The following FTCDNL1 variants were observed in gnomAD, a reference collection of about 807,000 sequenced individuals.
FTCDNL1 encodes the protein formiminotransferase N-terminal subdomain-containing protein.
A neutral mutation model predicts 5.9 loss-of-function variants in FTCDNL1; 11 were observed. The ratio of observed to expected loss-of-function variants is 1.87; its 90% confidence interval spans 1.18 to 3.10. The LOEUF is 3.10. Among genes scored for constraint, FTCDNL1 ranks in the 30% most tolerant of loss-of-function variants. FTCDNL1 has a pLI of 0.00. For synonymous variants in FTCDNL1, 58 were observed against 24.8 expected, an observed-to-expected ratio of 2.34 and a Z score of -3.99; for missense variants, 115 against 65.5, an observed-to-expected ratio of 1.76 and a Z score of -2.61.
chr2:199,757,374 G>T (rs1417536923), downstream of FTCDNL1, among the ~76,000 whole-genome samples: 1 of 152,226 alleles, frequency 6.6e-6, no homozygotes, highest in Non-Finnish European at 1.5e-5. Flanking sequence ...GGGAAACCCA[G>T]TCTTGGAGAG....
At chr2:199,675,899 C>T in the FTCDNL1 span, among the ~76,000 whole-genome samples, 11 of 152,256 alleles carry the variant, frequency 7.2e-5, no homozygotes, top group Admixed American at 2.6e-4. Flanking sequence ...TACAGGAGCA[C>T]ACCACCAAGC....
chr2:199,715,353 G>A, the FTCDNL1 span, among the ~76,000 whole-genome samples: 14 of 152,126 alleles, frequency 9.2e-5, no homozygotes, highest in Admixed American at 9.2e-4. Context: ...GACCCAGTGG[G>A]AGGTAATTGA....
the FTCDNL1 span, among the ~76,000 whole-genome samples, chr2:199,728,491 G>A: frequency 4.6e-5 from 7 of 152,042 alleles, no homozygotes; most frequent in Admixed American, 6.5e-5. Context: ...CTCGTGATCC[G>A]CCCACCTCAG....
At chr2:199,697,262 A>G in the FTCDNL1 span, among the ~76,000 whole-genome samples, 1 of 151,942 alleles carries the variant, frequency 6.6e-6, no homozygotes, top group Non-Finnish European at 1.5e-5. Context: ...ACAGAGAGGG[A>G]CTCCGTCTCA....
Position 199,813,561 on chromosome 2 carries a change from CT to C in FTCDNL1, c.398-838del, listed in dbSNP as rs1164232965. 3.3e-5 allele frequency among the ~76,000 whole-genome samples: 5 copies of C among 152,250 alleles called. No homozygotes were observed. The South Asian group carries it at 6.2e-4, about 19-fold the overall frequency. ...AAAGAGAAAACTTCAAATTTGTGGA[CT>C]GCATTACAGTTTGAATAAACAGATT... On this transcript the variant is annotated intron_variant, in intron 4 of 4. Coordinates refer to ENST00000420128, the MANE Select transcript of FTCDNL1 (RefSeq NM_001363886.2).
chr2:199,808,812 C>A (rs113245977), downstream of FTCDNL1, among the ~76,000 whole-genome samples: 23 of 152,168 alleles, frequency 1.5e-4, no homozygotes. Context: ...GACATTTATT[C>A]CCCTAGTTGG....
the FTCDNL1 span, among the ~76,000 whole-genome samples, chr2:199,740,011 G>T: frequency 6.6e-6 from 1 of 152,104 alleles, no homozygotes; most frequent in East Asian, 1.9e-4. Context: ...CCCTGCTGGC[G>T]AGAGTACGCA....
At chr2:199,682,338 G>C in the FTCDNL1 span, among the ~76,000 whole-genome samples, 1 of 152,176 alleles carries the variant, frequency 6.6e-6, no homozygotes, top group Non-Finnish European at 1.5e-5. Context: ...CCAGCCTGCA[G>C]GTTTTGGACT....
chr2:199,710,142 T>G, the FTCDNL1 span, among the ~76,000 whole-genome samples: 3 of 152,306 alleles, frequency 2.0e-5, no homozygotes, highest in South Asian at 6.2e-4. Flanking sequence ...CCTTCTTGTT[T>G]CAGCTCTGAT....
At chr2:199,766,790 G>T (rs1028462628) in intron 3 of FTCDNL1, among the ~76,000 whole-genome samples, 1 of 152,124 alleles carries the variant, frequency 6.6e-6, no homozygotes, top group South Asian at 2.1e-4. Context: ...TAATATGTCC[G>T]ATTTAATTGC....
the FTCDNL1 span, among the ~76,000 whole-genome samples, chr2:199,712,060 C>T: frequency 6.6e-6 from 1 of 152,046 alleles, no homozygotes. Flanking sequence ...GGTAAAAGTA[C>T]CCCTACCTTC....
In FTCDNL1 at chr2:199,851,156, C is replaced by A. The variant is rs2076868753; in HGVS notation, c.-424G>T. 6.8e-6 allele frequency: 1 copy of A among 147,968 alleles called. No homozygotes were observed. The highest frequency in any genetic ancestry group is 1.5e-5 in the Non-Finnish European group (1 of 66,522). 9.2% of individuals were successfully genotyped at this position (147,968 alleles called of 1,614,324 possible). ...GTGGCCCGCGCGCAGCCTCCGCCGC[C>A]GCGCGTGGCCCGCGCGCAGCGTCTG... On this transcript the variant is annotated 5_prime_UTR_variant, in exon 1 of 5. Transcript: ENST00000420128.
the FTCDNL1 span, among the ~76,000 whole-genome samples, chr2:199,718,943 A>T: frequency 6.6e-6 from 1 of 152,026 alleles, no homozygotes; most frequent in East Asian, 1.9e-4. Context: ...GGTTCTGGAC[A>T]TTAGCCCTTT....
At chr2:199,837,098 T>G (rs1702801419) in intron 3 of FTCDNL1, among the ~76,000 whole-genome samples, 1 of 152,234 alleles carries the variant, frequency 6.6e-6, no homozygotes, top group Non-Finnish European at 1.5e-5. Flanking sequence ...ATTTGGCCTT[T>G]CCTTCTTCAT....
At chr2:199,721,650 A>G in the FTCDNL1 span, among the ~76,000 whole-genome samples, 1 of 152,174 alleles carries the variant, frequency 6.6e-6, no homozygotes, top group Non-Finnish European at 1.5e-5. Flanking sequence ...CAGTAATGGG[A>G]TTGCTGGGTC....
At chr2:199,685,130 C>T in the FTCDNL1 span, among the ~76,000 whole-genome samples, 3 of 152,056 alleles carry the variant, frequency 2.0e-5, no homozygotes, top group Non-Finnish European at 4.4e-5. Context: ...AATGTGGAGT[C>T]AAAATGGTGG....
At chr2:199,690,694 T>G in the FTCDNL1 span, among the ~76,000 whole-genome samples, 1 of 152,126 alleles carries the variant, frequency 6.6e-6, no homozygotes, top group Non-Finnish European at 1.5e-5. Flanking sequence ...CCCTAAGAAA[T>G]TGAGCCCCGA....
the FTCDNL1 span, among the ~76,000 whole-genome samples, chr2:199,741,119 A>G: frequency 6.6e-6 from 1 of 152,152 alleles, no homozygotes. Context: ...ATGTTCGTGC[A>G]GTTAATAAGT....
chr2:199,814,562 A>G (rs1447234276), intron 4 of FTCDNL1, among the ~76,000 whole-genome samples: 1 of 152,204 alleles, frequency 6.6e-6, no homozygotes, highest in Non-Finnish European at 1.5e-5. Context: ...GCCAGTCCAG[A>G]TAAGAGGGAA....
Sources: gnomAD v4.1 joint callset for allele counts (sites outside exome capture counted in the v4.1 genomes callset) on GRCh38, gnomAD v4.1.1 for gene constraint, MANE v1.5 for transcripts, NCBI Gene and HGNC (gene_info 2026-07-23, HGNC 2026-07-21) for gene names.